The following PRADC1 variants were observed in gnomAD, a reference collection of about 807,000 sequenced individuals.
PRADC1 encodes protease-associated domain-containing protein 1.
Under a neutral mutation model 22.9 loss-of-function variants are expected in PRADC1, and 23 were observed. That is an observed-to-expected ratio of 1.00 (90% confidence interval 0.72 to 1.42). The LOEUF is 1.42. PRADC1 is among the 40% of genes most tolerant of loss of function. The pLI, the probability that PRADC1 is intolerant of heterozygous loss-of-function variation, is 0.00. For synonymous variants in PRADC1, 71 were observed against 100.3 expected (o/e 0.71, Z 1.75); for missense variants, 207 against 258.3 (o/e 0.80, Z 1.36).
chr2:73,230,375 C>G (rs1030922280), intron 1 of PRADC1, among the ~76,000 whole-genome samples, 162 bp from the exon 2 acceptor site: 1 of 152,198 alleles, frequency 6.6e-6, no homozygotes, highest in African/African-American at 2.4e-5. Flanking sequence ...GCTAGATGGC[C>G]TCTGTCCTGG....
chr2:73,232,290 T>C (rs1319574685), intron 1 of PRADC1, among the ~76,000 whole-genome samples: 5 of 149,264 alleles, frequency 3.3e-5, no homozygotes. Flanking sequence ...TGAGCCGAGA[T>C]CGGGCCACTG....
At position 73,230,145 on chromosome 2, in the gene PRADC1, CTG is replaced by C. The variant is rs1686608526; in HGVS notation, c.134_135del (p.Thr45SerfsTer16). On this transcript the variant is annotated frameshift_variant, in exon 2 of 5. Coordinates refer to ENST00000258083, the MANE Select transcript of PRADC1 (RefSeq NM_032319.3). LOFTEE classifies it high-confidence loss of function. The part of the protein sequence containing the change: ...LSPGDIRYIF[T>X]ATPAKDFGGI... Reference sequence around the variant, plus strand: ...CCACCAAAGTCCTTGGCAGGTGTGGCTGTGAAGATGTATCGAATGTCCCCAGG... The same window carrying C: ...CCACCAAAGTCCTTGGCAGGTGTGGCTGAAGATGTATCGAATGTCCCCAGG... 1 of 1,613,852 alleles carries C rather than the reference CTG, an allele frequency of 6.2e-7. No individual in the cohort carries two copies. Among genetic ancestry groups the C allele is most frequent in the Non-Finnish European group, 8.5e-7 (1 of 1,179,776 alleles).
chr2:73,230,004 C>T, intron 2 of PRADC1, 109 bp downstream of exon 2: 1 of 764,260 alleles, frequency 1.3e-6, no homozygotes, highest in South Asian at 1.5e-5. Flanking sequence ...AGAGCTGATT[C>T]TGCTCCCTTC....
chr2:73,229,753 T>C, intron 2 of PRADC1, 183 bp from the exon 3 acceptor site: 1 of 608,180 alleles, frequency 1.6e-6, no homozygotes. Context: ...CTGGTTGTCC[T>C]ACACCACCCT....
At chr2:73,229,071 G>A (rs953981773) in intron 3 of PRADC1, 109 bp from the exon 4 acceptor site, 2 of 946,114 alleles carry the variant, frequency 2.1e-6, no homozygotes, top group Non-Finnish European at 3.2e-6. Context: ...CTGTTATAAA[G>A]GCTCATAAGT....
chr2:73,231,352 C>T (rs530285904), intron 1 of PRADC1, among the ~76,000 whole-genome samples: 1 of 152,206 alleles, frequency 6.6e-6, no homozygotes, highest in Non-Finnish European at 1.5e-5. Context: ...ATCTCCTGAC[C>T]TCGTGATCCA....
At chr2:73,229,065 T>A in intron 3 of PRADC1, 103 bp from the exon 4 acceptor site, 1 of 998,964 alleles carries the variant, frequency 1.0e-6, no homozygotes, top group Non-Finnish European at 1.5e-6. Context: ...AAGAATCTGT[T>A]ATAAAGGCTC....
In PRADC1 at chr2:73,228,115, C is replaced by T. The variant is rs1438144854; in HGVS notation, c.*339G>A. ...AACAACTGCTGTGAAGGTCACTGTG[C>T]AGAGACCCTGGGTAGGGGAGGCTGG... On this transcript the variant is annotated 3_prime_UTR_variant, in exon 5 of 5. Transcript: ENST00000258083. The surrounding 1 kb of genome is among the most constrained non-coding windows in gnomAD (Gnocchi z 4.0). 2.6e-5 allele frequency: 9 copies of T among 340,080 alleles called. No individual in the cohort carries two copies. Among genetic ancestry groups the T allele is most frequent in the Non-Finnish European group, 4.5e-5 (8 of 176,878 alleles). 21.1% of individuals were successfully genotyped at this position (340,080 alleles called of 1,614,324 possible). A position where few individuals can be genotyped will look rare whatever the true frequency, so the allele number is the denominator to read the frequency against.
In PRADC1 at chr2:73,233,171, G is replaced by A. The variant is rs779122697; in HGVS notation, c.-11C>T. On this transcript the variant is annotated 5_prime_UTR_variant, in exon 1 of 5. Coordinates refer to ENST00000258083, the MANE Select transcript of PRADC1 (RefSeq NM_032319.3). ...GGCGCCGGGGACCATCTCCAGGGCC[G>A]GGCCCGGCCCGGCGCCGCGTTTCCT... 5 of 591,454 alleles carry A rather than the reference G, an allele frequency of 8.5e-6. No homozygotes were observed. The highest frequency in any genetic ancestry group is 2.6e-5 in the South Asian group (1 of 37,912). 36.6% of individuals were successfully genotyped at this position (591,454 alleles called of 1,614,324 possible).
At chr2:73,233,030 G>C in intron 1 of PRADC1, 64 bp downstream of exon 1, 1 of 1,513,230 alleles carries the variant, frequency 6.6e-7, no homozygotes, top group Non-Finnish European at 8.8e-7. Flanking sequence ...CCCCCAACCC[G>C]AGACGCGCGC....
chr2:73,228,201 G>A lies in PRADC1; in HGVS notation c.*253C>T. ...AGGCCACCTGCCTTCAGCTCCTTTTGTTTCGGGTTCTAGCCAGAAGCCCTG... is the reference window on the plus strand; with the variant it reads ...AGGCCACCTGCCTTCAGCTCCTTTTATTTCGGGTTCTAGCCAGAAGCCCTG... On this transcript the variant is annotated 3_prime_UTR_variant, in exon 5 of 5. Coordinates refer to ENST00000258083, the MANE Select transcript of PRADC1 (RefSeq NM_032319.3). The surrounding 1 kb of genome is among the most constrained non-coding windows in gnomAD (Gnocchi z 4.0). The A allele has an allele frequency of 4.1e-6, 2 of 486,088 alleles. No homozygotes were observed. The highest frequency in any genetic ancestry group is 4.7e-5 in the South Asian group (2 of 42,582). 30.1% of individuals were successfully genotyped at this position (486,088 alleles called of 1,614,324 possible). A position where few individuals can be genotyped will look rare whatever the true frequency, so the allele number is the denominator to read the frequency against.
At position 73,229,575 on chromosome 2, in the gene PRADC1, A is replaced by G; in HGVS notation, c.169-5T>C. 6.2e-7 allele frequency: 1 copy of G among 1,611,318 alleles called. No individual in the cohort carries two copies. Among genetic ancestry groups the G allele is most frequent in the South Asian group, 1.1e-5 (1 of 91,034 alleles). ...AATCTGCTCATACCTTGTGTGCTGA[A>G]AAACATTTAACATTTGGACAGGTGA... On this transcript the variant is annotated splice_polypyrimidine_tract_variant and splice_region_variant and intron_variant, in intron 2 of 4. Coordinates refer to ENST00000258083, the MANE Select transcript of PRADC1 (RefSeq NM_032319.3).
chr2:73,229,637 G>C, intron 2 of PRADC1, 67 bp from the exon 3 acceptor site: 1 of 1,218,180 alleles, frequency 8.2e-7, no homozygotes, highest in Non-Finnish European at 1.2e-6. Flanking sequence ...GGACTGGGCT[G>C]ACAATCCCAT....
chr2:73,231,277 G>A (rs1315706723), intron 1 of PRADC1, among the ~76,000 whole-genome samples: 1 of 151,984 alleles, frequency 6.6e-6, no homozygotes, highest in Non-Finnish European at 1.5e-5. Context: ...CCGCCACCAC[G>A]CCCGGAGAAT....
In PRADC1 at chr2:73,229,459, A is replaced by T; in HGVS notation, c.278+2T>A. On this transcript the variant is annotated splice_donor_variant, in intron 3 of 4. Coordinates refer to ENST00000258083, the MANE Select transcript of PRADC1 (RefSeq NM_032319.3). LOFTEE classifies it high-confidence loss of function. Reference sequence around the variant, plus strand: ...CTCGTGTCCTGCCTGCCCACTCCTTACCCCCTCTCCACCAGAGCAATCTGG... The same window carrying T: ...CTCGTGTCCTGCCTGCCCACTCCTTTCCCCCTCTCCACCAGAGCAATCTGG... The T allele has an allele frequency of 6.4e-7, 1 of 1,556,286 alleles. No homozygotes were observed. Among genetic ancestry groups the T allele is most frequent in the Non-Finnish European group, 8.7e-7 (1 of 1,147,834 alleles).
At chr2:73,231,916 T>C (rs1001522248) in intron 1 of PRADC1, among the ~76,000 whole-genome samples, 1 of 152,208 alleles carries the variant, frequency 6.6e-6, no homozygotes, top group African/African-American at 2.4e-5. Flanking sequence ...ATGAAGAGAA[T>C]TTCCAGACCA....
At chr2:73,229,036 G>A (rs778844851) in intron 3 of PRADC1, 74 bp from the exon 4 acceptor site, 36 of 1,349,390 alleles carry the variant, frequency 2.7e-5, no homozygotes, top group Non-Finnish European at 3.5e-5. Context: ...CACCCTGGGA[G>A]TATAGAAGGC....
In PRADC1 at chr2:73,228,599, T is replaced by C; in HGVS notation, c.447-25A>G. 1 of 1,613,808 alleles carries C rather than the reference T, an allele frequency of 6.2e-7. No individual in the cohort carries two copies. The highest frequency in any genetic ancestry group is 8.5e-7 in the Non-Finnish European group (1 of 1,179,980). ...GCTGGGAGGGCATGAAGAGAGGTGG[T>C]GACGGTCACTTTCTTGGTACCCCAT... is the stretch of plus-strand genomic sequence containing the variant. On this transcript the variant is annotated intron_variant, in intron 4 of 4. Coordinates refer to ENST00000258083, the MANE Select transcript of PRADC1 (RefSeq NM_032319.3). This position sits in a 1 kb window ranked among gnomAD's most constrained non-coding sequence, Gnocchi z 4.0.
At position 73,228,243 on chromosome 2, in the gene PRADC1, T is replaced by A; in HGVS notation, c.*211A>T. 1.7e-6 allele frequency: 1 copy of A among 592,640 alleles called. No homozygotes were observed. The highest frequency in any genetic ancestry group is 2.9e-6 in the Non-Finnish European group (1 of 342,798). The allele number at this position is 592,640 out of a possible 1,614,324, so 36.7% of individuals were successfully genotyped here. ...GAAGCCCTGGGGCCTGTCTCTTGCC[T>A]CTTCTTGTAGCATGAGACACCCTTG... On this transcript the variant is annotated 3_prime_UTR_variant, in exon 5 of 5. Coordinates refer to ENST00000258083, the MANE Select transcript of PRADC1 (RefSeq NM_032319.3). This position sits in a 1 kb window ranked among gnomAD's most constrained non-coding sequence, Gnocchi z 4.0.
Sources: allele counts gnomAD v4.1 joint callset (sites outside exome capture counted in the v4.1 genomes callset), GRCh38; gene constraint gnomAD v4.1.1; non-coding constraint Gnocchi (gnomAD v3.1); transcripts MANE v1.5; gene names NCBI Gene and HGNC (gene_info 2026-07-23, HGNC 2026-07-21).